The following SLC9C1 variants were observed in gnomAD, a reference collection of about 807,000 sequenced individuals.
SLC9C1 encodes the protein sodium/hydrogen exchanger 10.
A neutral mutation model predicts 140.9 loss-of-function variants in SLC9C1; 97 were observed. The ratio of observed to expected loss-of-function variants is 0.69; its 90% CI spans 0.58 to 0.82. The LOEUF is 0.82. SLC9C1 is among the 40% of genes least tolerant of loss of function. The pLI, the probability that SLC9C1 is intolerant of heterozygous loss-of-function variation, is 0.00. For synonymous variants in SLC9C1, 440 were observed against 442.6 expected (o/e 0.99, Z 0.07); for missense variants, 1,340 against 1,389.3 (o/e 0.96, Z 0.56).
At chr3:112,150,841 T>TATATATATATATATATATA (rs1491261631) in intron 28 of SLC9C1, among the ~76,000 whole-genome samples, 1 of 34,554 alleles carries the variant, frequency 2.9e-5, no homozygotes, top group African/African-American at 1.8e-4. Flanking sequence ...TATATATATA[T>TATATATATATATATATATA]TTTTTTTTTT....
At chr3:112,229,663 A>G (rs1231918910) in intron 13 of SLC9C1, among the ~76,000 whole-genome samples, 2 of 151,942 alleles carry the variant, frequency 1.3e-5, no homozygotes, top group Non-Finnish European at 2.9e-5. Context: ...AATTAGTGGC[A>G]ATAGGGGTGG....
Position 112,239,922 on chromosome 3 carries a change from G to A in SLC9C1, c.1364C>T (p.Ser455Phe). The stretch of plus-strand genomic sequence containing the variant: ...AAGATCTTTGTCAAATTTAAGGGCA[G>A]AGGCTGCAGACTTGGTTAGCTCTTG... ...HFQELTKSAASALKFDKDLAN... is the reference protein window; with the variant it reads ...HFQELTKSAAFALKFDKDLAN... The change falls in exon 12 of 29, where the codon TCT becomes TTT. Residue 455 changes from serine (S) to phenylalanine (F), a missense_variant. Transcript: ENST00000305815. The A allele has an allele frequency of 1.9e-6, 3 of 1,614,020 alleles. No individual in the cohort carries two copies. Among genetic ancestry groups the A allele is most frequent in the Non-Finnish European group, 2.5e-6 (3 of 1,179,972 alleles).
intron 18 of SLC9C1, 100 bp downstream of exon 18, chr3:112,202,150 A>G: frequency 1.6e-6 from 2 of 1,288,998 alleles, no homozygotes; most frequent in African/African-American, 1.5e-5. Context: ...TTAGAAAACC[A>G]GGAGTCAAAG....
chr3:112,225,057 A>C (rs1406011374), intron 13 of SLC9C1, among the ~76,000 whole-genome samples: 1 of 152,174 alleles, frequency 6.6e-6, no homozygotes, highest in Non-Finnish European at 1.5e-5. Flanking sequence ...CAAAAGATTC[A>C]ACCTAAAAAA....
intron 26 of SLC9C1, among the ~76,000 whole-genome samples, chr3:112,157,523 G>C (rs1170677646): frequency 1.3e-5 from 2 of 151,788 alleles, no homozygotes; most frequent in Non-Finnish European, 2.9e-5. Flanking sequence ...GTTCCCTATG[G>C]ATTTTAGGAT....
intron 23 of SLC9C1, among the ~76,000 whole-genome samples, chr3:112,176,001 G>T (rs552549320): frequency 2.6e-5 from 4 of 152,344 alleles, no homozygotes; most frequent in South Asian, 2.1e-4. Flanking sequence ...TTAGGAGTAG[G>T]TATAGGGATC....
chr3:112,185,697 C>T (rs2077523023), intron 20 of SLC9C1: 2 of 1,545,572 alleles, frequency 1.3e-6, no homozygotes, highest in Non-Finnish European at 8.7e-7. Context: ...ACGCTCGTGC[C>T]ACCACTTGAG....
At chr3:112,153,047 G>A (rs2075029429) in intron 27 of SLC9C1, among the ~76,000 whole-genome samples, 1 of 152,184 alleles carries the variant, frequency 6.6e-6, no homozygotes, top group African/African-American at 2.4e-5. Flanking sequence ...ACAGTCCTGG[G>A]ATGGTAATGA....
At chr3:112,188,688 A>C (rs754933572) in intron 20 of SLC9C1, among the ~76,000 whole-genome samples, 4 of 152,180 alleles carry the variant, frequency 2.6e-5, no homozygotes, top group Non-Finnish European at 4.4e-5. Context: ...TAGTGTTGCA[A>C]TGAACATACG....
chr3:112,155,853 A>AT (rs964862732), intron 26 of SLC9C1, among the ~76,000 whole-genome samples: 1 of 151,956 alleles, frequency 6.6e-6, no homozygotes, highest in Non-Finnish European at 1.5e-5. Context: ...TTTTATTTTA[A>AT]TTTTTTTGAC....
rs573092431 is a variant in SLC9C1, at chr3:112,208,358, A to G, written c.1806T>C (p.Arg602=). Residue 602 remains arginine, a synonymous_variant, in exon 16 of 29, where the codon CGT becomes CGC. Transcript: ENST00000305815. The part of the protein sequence containing the change: ...KEGPSKYFFF[R]ICHTIVFTEE... ...CAGTAAATACTATTGTATGGCATAT[A>G]CGAAAAAAGAAGTATCTGTAAAACA... is the stretch of plus-strand genomic sequence containing the variant. The G allele has an allele frequency of 1.4e-5, 21 of 1,552,316 alleles. No homozygotes were observed. The highest frequency in any genetic ancestry group is 1.7e-5 in the Non-Finnish European group (20 of 1,151,280).
chr3:112,199,477 A>G lies in SLC9C1; in HGVS notation c.2375-8T>C. The G allele has an allele frequency of 1.9e-6, 3 of 1,545,948 alleles. 1 individual carries two copies. ...GATCATACTCTAAGTAGCCTAAAAA[A>G]TAACAAAATATTTTTAGATTAAATA... On this transcript the variant is annotated splice_polypyrimidine_tract_variant and splice_region_variant and intron_variant, in intron 19 of 28. Coordinates refer to ENST00000305815, the MANE Select transcript of SLC9C1 (RefSeq NM_183061.3).
At chr3:112,223,486 A>C (rs1192839322) in intron 13 of SLC9C1, among the ~76,000 whole-genome samples, 1 of 152,248 alleles carries the variant, frequency 6.6e-6, no homozygotes, top group Non-Finnish European at 1.5e-5. Context: ...TTAACATTTT[A>C]GTTAGAAAGT....
At chr3:112,192,639 A>G (rs1332902139) in intron 20 of SLC9C1, among the ~76,000 whole-genome samples, 1 of 151,686 alleles carries the variant, frequency 6.6e-6, no homozygotes. Context: ...TGCTTGGTTT[A>G]GTCTTTATTG....
intron 10 of SLC9C1, among the ~76,000 whole-genome samples, chr3:112,256,263 A>C (rs2079603310): frequency 6.6e-6 from 1 of 152,148 alleles, no homozygotes; most frequent in East Asian, 1.9e-4. Flanking sequence ...AACCTGGCAG[A>C]GAAACAACAA....
rs758178424 is a variant in SLC9C1, at chr3:112,286,804, T to A, written c.-13A>T. The A allele has an allele frequency of 1.1e-5, 17 of 1,599,544 alleles. No individual in the cohort carries two copies. Among genetic ancestry groups the A allele is most frequent in the Admixed American group, 1.7e-5 (1 of 59,396 alleles). On this transcript the variant is annotated 5_prime_UTR_variant, in exon 2 of 29. Coordinates refer to ENST00000305815, the MANE Select transcript of SLC9C1 (RefSeq NM_183061.3). The stretch of plus-strand genomic sequence containing the variant: ...ATATTCCAGCCATGTTTCAGAAAAA[T>A]TTTTATGCAGATTTATGTTAGAAGC...
At position 112,235,358 on chromosome 3, in the gene SLC9C1, C is replaced by G. The variant is rs370205668; in HGVS notation, c.1447-3872G>C. Reference sequence around the variant, plus strand: ...AGACTTTGCTGAAGTTGCTTATGAGCTTAAGGAGATTTTGGGCTGAGACGA... The same window carrying G: ...AGACTTTGCTGAAGTTGCTTATGAGGTTAAGGAGATTTTGGGCTGAGACGA... On this transcript the variant is annotated intron_variant, in intron 12 of 28. Coordinates refer to ENST00000305815, the MANE Select transcript of SLC9C1 (RefSeq NM_183061.3). Among the ~76,000 whole-genome samples, 139 of 149,460 alleles carry G rather than the reference C, an allele frequency of 9.3e-4. 3 individuals are homozygous for G. In the East Asian group the frequency reaches 0.012, roughly 13 times the overall value.
At chr3:112,181,223 C>A (rs1034911195) in intron 21 of SLC9C1, among the ~76,000 whole-genome samples, 2 of 152,140 alleles carry the variant, frequency 1.3e-5, no homozygotes, top group Non-Finnish European at 2.9e-5. Flanking sequence ...GGTATTTATA[C>A]ACGGATTAGA....
chr3:112,245,791 A>AT (rs2079266790), intron 10 of SLC9C1, among the ~76,000 whole-genome samples: 1 of 152,166 alleles, frequency 6.6e-6, no homozygotes, highest in African/African-American at 2.4e-5. Flanking sequence ...TGACATCCTA[A>AT]TAATTCCAAG....
Sources: allele counts gnomAD v4.1 joint callset (sites outside exome capture counted in the v4.1 genomes callset), GRCh38; gene constraint gnomAD v4.1.1; transcripts MANE v1.5; gene names NCBI Gene and HGNC (gene_info 2026-07-23, HGNC 2026-07-21).